The following BBOF1 variants were observed in gnomAD, a reference collection of about 807,000 sequenced individuals.
BBOF1 encodes the protein basal body orientation factor 1, also known as basal body-orientation factor 1.
Under a neutral mutation model 68.0 loss-of-function variants are expected in BBOF1, and 62 were observed. The observed-to-expected ratio is 0.91, with a 90% CI of 0.74 to 1.13. BBOF1 has a LOEUF of 1.13. Ranked by LOEUF, BBOF1 falls within the 50% of genes most tolerant of loss-of-function variation. The pLI is 0.00. For synonymous variants in BBOF1, 208 were observed against 198.8 expected, an observed-to-expected ratio of 1.05 and a Z score of -0.39; for missense variants, 534 against 600.1, an observed-to-expected ratio of 0.89 and a Z score of 1.15.
chr14:74,035,983 T>C (rs974072880), intron 4 of BBOF1, among the ~76,000 whole-genome samples: 5 of 152,104 alleles, frequency 3.3e-5, no homozygotes, highest in Admixed American at 2.6e-4. Context: ...AAAGAACTTA[T>C]AGACACATTT....
chr14:74,022,735 G>T (rs1440091071), intron 1 of BBOF1, among the ~76,000 whole-genome samples, 181 bp from the exon 2 acceptor site: 1 of 151,624 alleles, frequency 6.6e-6, no homozygotes, highest in African/African-American at 2.4e-5. Flanking sequence ...TTTCAAATGT[G>T]AATATGTATT....
intron 8 of BBOF1, among the ~76,000 whole-genome samples, chr14:74,053,745 T>C (rs1382828544): frequency 2.7e-5 from 4 of 150,110 alleles, no homozygotes; most frequent in African/African-American, 9.8e-5. Flanking sequence ...AGAGTCTCAC[T>C]CTGTCGCCCA....
At chr14:74,029,128 G>T in intron 2 of BBOF1, 56 bp from the exon 3 acceptor site, 2 of 1,059,212 alleles carry the variant, frequency 1.9e-6, no homozygotes, top group South Asian at 1.4e-5. Context: ...ACTTAATAAA[G>T]GTAGACATAG....
At chr14:74,023,925 C>CAAAAAA (rs780429164) in intron 2 of BBOF1, among the ~76,000 whole-genome samples, 3 of 46,642 alleles carry the variant, frequency 6.4e-5, no homozygotes, top group East Asian at 6.2e-4. Flanking sequence ...GACTCCATCT[C>CAAAAAA]AAAAAAAAAA....
chr14:74,066,895 C>T (rs768631743), downstream of BBOF1: 1 of 1,612,946 alleles, frequency 6.2e-7, no homozygotes, highest in Non-Finnish European at 8.5e-7. Flanking sequence ...TCCTGTAAAA[C>T]AACACAGAAG....
At position 74,050,120 on chromosome 14, in the gene BBOF1, C is replaced by A. The variant is rs1400823413; in HGVS notation, c.1211C>A (p.Pro404His). Reference protein sequence around the residue: ...RAACTGRTEYPKIRTFDGREH... With the variant: ...RAACTGRTEYHKIRTFDGREH... ...GCATGTACAGGAAGAACAGAATATCCCAAAATCAGAACATTTGATGGCAGA... is the reference window on the plus strand; with the variant it reads ...GCATGTACAGGAAGAACAGAATATCACAAAATCAGAACATTTGATGGCAGA... The change falls in exon 8 of 12, where the codon CCC becomes CAC. Residue 404 changes from proline to histidine, a missense_variant. Transcript: ENST00000394009. 1 of 1,609,570 alleles carries A rather than the reference C, an allele frequency of 6.2e-7. No individual in the cohort carries two copies. The highest frequency in any genetic ancestry group is 8.5e-7 in the Non-Finnish European group (1 of 1,177,328).
chr14:74,068,897 C>T, downstream of BBOF1: 3 of 1,614,058 alleles, frequency 1.9e-6, no homozygotes, highest in Non-Finnish European at 2.5e-6. Context: ...TCTTGATCCT[C>T]TCTCGAAGAT....
intron 1 of BBOF1, among the ~76,000 whole-genome samples, chr14:74,021,432 T>C (rs918515862): frequency 6.6e-6 from 1 of 151,880 alleles, no homozygotes; most frequent in African/African-American, 2.4e-5. Flanking sequence ...CAAAAATTTT[T>C]ATTAAAAATT....
intron 3 of BBOF1, among the ~76,000 whole-genome samples, chr14:74,033,695 T>A (rs2140999118): frequency 6.6e-6 from 1 of 152,106 alleles, no homozygotes; most frequent in East Asian, 1.9e-4. Flanking sequence ...GCTAACATGG[T>A]GAAACACCGT....
downstream of BBOF1, among the ~76,000 whole-genome samples, chr14:74,067,052 CA>C (rs35483377): frequency 1.3e-5 from 2 of 151,998 alleles, no homozygotes; most frequent in Non-Finnish European, 2.9e-5. Context: ...TTCATATTTA[CA>C]AAAAATAAAA....
intron 11 of BBOF1, chr14:74,059,564 G>A (rs1252858793): frequency 1.6e-5 from 5 of 309,880 alleles, no homozygotes; most frequent in Non-Finnish European, 1.9e-5. Flanking sequence ...GTGTGGTGGC[G>A]CATGCCTGTA....
exon 10 of BBOF1, chr14:74,078,238 T>C: frequency 4.4e-6 from 2 of 455,988 alleles, no homozygotes; most frequent in South Asian, 3.1e-5. Context: ...AACTTCCTAC[T>C]AGCAAACCTA....
At chr14:74,069,857 T>C (rs1175691357), downstream of BBOF1, among the ~76,000 whole-genome samples, 1 of 149,646 alleles carries the variant, frequency 6.7e-6, no homozygotes, top group Non-Finnish European at 1.5e-5. Context: ...AACCTTTTTT[T>C]TTTTTTTTTT....
At chr14:74,026,784 G>C (rs957098218) in intron 2 of BBOF1, among the ~76,000 whole-genome samples, 2 of 151,916 alleles carry the variant, frequency 1.3e-5, no homozygotes, top group African/African-American at 4.8e-5. Flanking sequence ...AATTAGCCGG[G>C]TGTGGTAGTG....
chr14:74,080,128 G>A (rs1297416512), intron 10 of BBOF1, among the ~76,000 whole-genome samples: 2 of 152,124 alleles, frequency 1.3e-5, no homozygotes, highest in African/African-American at 4.8e-5. Flanking sequence ...CCACCTCTCG[G>A]TAAATAGGGC....
At chr14:74,047,407 CTTTATTTATTTATTTATTTA>C in intron 6 of BBOF1, among the ~76,000 whole-genome samples, 1 of 145,642 alleles carries the variant, frequency 6.9e-6, no homozygotes, top group Non-Finnish European at 1.5e-5. Flanking sequence ...TCCTTTTTCA[CTTTATTTATTTATTTATTTA>C]TTTATTTATT....
chr14:74,045,371 G>A (rs4903173), intron 5 of BBOF1, among the ~76,000 whole-genome samples: 17,593 of 152,002 alleles, frequency 0.12, 1,286 homozygotes, highest in Admixed American at 0.19. Context: ...GTGCAATGGC[G>A]CGATCTTGGC....
At chr14:74,074,958 TGAA>T (rs779856155) in intron 9 of BBOF1, 2 of 1,613,964 alleles carry the variant, frequency 1.2e-6, no homozygotes, top group South Asian at 1.1e-5. Flanking sequence ...AACTCACCAC[TGAA>T]GAAGAGAAGG....
At chr14:74,036,778 A>G (rs887229632) in intron 4 of BBOF1, among the ~76,000 whole-genome samples, 7 of 151,370 alleles carry the variant, frequency 4.6e-5, no homozygotes, top group African/African-American at 1.5e-4. Flanking sequence ...CCCTGTACCT[A>G]TCTGGGAACA....
Sources: gnomAD v4.1 joint callset for allele counts (sites outside exome capture counted in the v4.1 genomes callset) on GRCh38, gnomAD v4.1.1 for gene constraint, MANE v1.5 for transcripts, NCBI Gene and HGNC (gene_info 2026-07-23, HGNC 2026-07-21) for gene names.